The following SLC12A2 variants were observed in gnomAD, a reference collection of about 807,000 sequenced individuals.
SLC12A2 encodes solute carrier family 12 member 2, also known as Na-K-2Cl cotransporter 1.
A neutral mutation model predicts 136.3 loss-of-function variants in SLC12A2; 67 were observed. The observed-to-expected ratio is 0.49, with a 90% CI of 0.40 to 0.60. SLC12A2 has a LOEUF of 0.60. SLC12A2 is among the 20% of genes least tolerant of loss of function. The pLI, the probability that SLC12A2 is intolerant of heterozygous loss-of-function variation, is 0.00. For missense variants in SLC12A2, 1,322 were observed against 1,534.7 expected (o/e 0.86, Z 2.32); for synonymous variants, 619 against 562.9 (o/e 1.10, Z -1.41).
chr5:128,109,605 A>G (rs1314335944), intron 1 of SLC12A2: 1 of 745,966 alleles, frequency 1.3e-6, no homozygotes, highest in Non-Finnish European at 2.5e-6. Context: ...TTAAAAGCAG[A>G]CATCGTCCTT....
chr5:128,089,439 A>G (rs1760226629), intron 1 of SLC12A2, among the ~76,000 whole-genome samples: 2 of 152,290 alleles, frequency 1.3e-5, no homozygotes, highest in South Asian at 4.1e-4. Flanking sequence ...CTTCACATCC[A>G]GGTTTTTCTG....
intron 18 of SLC12A2, chr5:128,171,095 C>CAA (rs765159997): frequency 1.5e-4 from 8 of 54,860 alleles, no homozygotes; most frequent in African/African-American, 2.0e-4. Context: ...GACTCTGTCT[C>CAA]AAAAAAAAAA....
intron 19 of SLC12A2, among the ~76,000 whole-genome samples, chr5:128,172,733 G>T (rs1213376816): frequency 1.3e-5 from 2 of 152,180 alleles, no homozygotes; most frequent in Non-Finnish European, 2.9e-5. Flanking sequence ...GGCTGAGGTG[G>T]GTGGATGACC....
chr5:128,112,477 G>A (rs1013989333), intron 1 of SLC12A2, among the ~76,000 whole-genome samples: 2 of 152,156 alleles, frequency 1.3e-5, no homozygotes, highest in Non-Finnish European at 2.9e-5. Context: ...CTTGAGAGAT[G>A]GGGTCTGAAT....
At chr5:128,131,559 C>T (rs1272587450) in intron 5 of SLC12A2, among the ~76,000 whole-genome samples, 2 of 150,422 alleles carry the variant, frequency 1.3e-5, no homozygotes, top group African/African-American at 4.9e-5. Flanking sequence ...AAAAAATCAG[C>T]TGGGCGTGGT....
chr5:128,109,541 C>A, intron 1 of SLC12A2: 1 of 672,718 alleles, frequency 1.5e-6, no homozygotes, highest in Non-Finnish European at 2.8e-6. Flanking sequence ...CCAGCACTTG[C>A]TGGGTGGAGA....
Position 128,184,806 on chromosome 5 carries a change from G to C in SLC12A2, c.3453G>C (p.Arg1151Ser). 6.2e-7 allele frequency: 1 copy of C among 1,609,134 alleles called. No homozygotes were observed. Residue 1151 changes from arginine to serine, a missense_variant, in exon 26 of 27, where the codon AGG (arginine) becomes AGC (serine). Arg to Ser is a moderately radical substitution (Grantham distance 110). Around this residue, in one of 8 missense-constraint regions of SLC12A2, gnomAD observed 172 missense variants for 227.4 expected, o/e 0.76. Transcript: ENST00000262461. ...LYKTKTYRQI[R>S]LNELLKEHSS... ...CATTTCAGACATACCGGCAGATCAG[G>C]TTAAATGAGTTATTAAAGGAACATT...
chr5:128,120,434 C>T (rs1761515560), intron 4 of SLC12A2, among the ~76,000 whole-genome samples: 1 of 151,678 alleles, frequency 6.6e-6, no homozygotes, highest in Non-Finnish European at 1.5e-5. Context: ...GCACTATTCA[C>T]AATAACAAAG....
intron 1 of SLC12A2, among the ~76,000 whole-genome samples, chr5:128,095,993 T>G (rs935114650): frequency 2.0e-5 from 3 of 152,140 alleles, no homozygotes; most frequent in Non-Finnish European, 4.4e-5. Flanking sequence ...GCTTTAACTG[T>G]TAGATAACTG....
chr5:128,136,829 G>A (rs1378112070), intron 7 of SLC12A2, among the ~76,000 whole-genome samples: 1 of 152,064 alleles, frequency 6.6e-6, no homozygotes, highest in Non-Finnish European at 1.5e-5. Context: ...GCTATTAAGG[G>A]ACTGACATGT....
chr5:128,152,751 C>G lies in SLC12A2; in HGVS notation c.2309C>G (p.Ala770Gly), dbSNP rs577834869. The change falls in exon 15 of 27, where the codon GCA (alanine) becomes GGA (glycine). Residue 770 changes from alanine (A) to glycine (G), a missense_variant. Ala to Gly is a moderately conservative substitution (Grantham distance 60, BLOSUM62 0). Transcript: ENST00000262461. ...ACACAAGCCCTGACTTACCTGAATG[C>G]ACTGCAGCATTCAATTCGTCTTTCT... ...SSTQALTYLN[A>G]LQHSIRLSGV... is the part of the protein sequence containing the mutation. The G allele has an allele frequency of 6.2e-7, 1 of 1,613,664 alleles. No homozygotes were observed. Among genetic ancestry groups the G allele is most frequent in the Non-Finnish European group, 8.5e-7 (1 of 1,179,630 alleles).
intron 10 of SLC12A2, among the ~76,000 whole-genome samples, chr5:128,143,698 T>C (rs1346214838): frequency 6.6e-6 from 1 of 151,928 alleles, no homozygotes; most frequent in Non-Finnish European, 1.5e-5. Flanking sequence ...AATATTCTAT[T>C]GTAAATTTAT....
intron 19 of SLC12A2, among the ~76,000 whole-genome samples, chr5:128,173,640 T>G (rs1347655107): frequency 6.6e-6 from 1 of 152,186 alleles, no homozygotes; most frequent in Non-Finnish European, 1.5e-5. Context: ...CTTCCAAGCC[T>G]CAGTTTCCTT....
intron 4 of SLC12A2, among the ~76,000 whole-genome samples, chr5:128,122,028 G>A (rs1488243063): frequency 1.3e-5 from 2 of 152,190 alleles, no homozygotes; most frequent in African/African-American, 2.4e-5. Flanking sequence ...GCAGGCAGCC[G>A]TTCATAAGAT....
At chr5:128,156,734 A>G (rs140415202) in intron 15 of SLC12A2, among the ~76,000 whole-genome samples, 97 of 152,288 alleles carry the variant, frequency 6.4e-4, no homozygotes, top group African/African-American at 1.6e-3. Context: ...CACGTTCCTT[A>G]TCAGTCTGCC....
rs767907689 is a variant in SLC12A2 at position 128,187,210 on chromosome 5, T to C, written c.*579T>C. The C allele has an allele frequency of 2.6e-5, 4 of 152,718 alleles. No homozygotes were observed. The highest frequency in any genetic ancestry group is 5.9e-5 in the Non-Finnish European group (4 of 68,150). 9.5% of individuals were successfully genotyped at this position (152,718 alleles called of 1,614,324 possible). On this transcript the variant is annotated 3_prime_UTR_variant, in exon 27 of 27. Transcript: ENST00000262461. Reference sequence around the variant, plus strand: ...TTAATCAAAAATGGGGAAGGGGAAATGGTAACCAAAAAGTAACCCCATGGT... The same window carrying C: ...TTAATCAAAAATGGGGAAGGGGAAACGGTAACCAAAAAGTAACCCCATGGT...
At chr5:128,118,110 A>G (rs1216059850) in intron 4 of SLC12A2, among the ~76,000 whole-genome samples, 1 of 152,234 alleles carries the variant, frequency 6.6e-6, no homozygotes, top group African/African-American at 2.4e-5. Context: ...ACACTTTTAC[A>G]CTGTTGGTGG....
rs564503110 is a variant in SLC12A2 at position 128,104,640 on chromosome 5, GA to G, written c.757-8165del. 2.1e-4 allele frequency among the ~76,000 whole-genome samples: 29 copies of G among 138,600 alleles called. 1 individual carries two copies. The highest frequency in any genetic ancestry group is 2.0e-4 in the East Asian group (1 of 4,934). The allele number at this position is 138,600 out of a possible 152,430, so 90.9% of individuals were successfully genotyped here. On this transcript the variant is annotated intron_variant, in intron 1 of 26. Transcript: ENST00000262461. Reference sequence around the variant, plus strand: ...GAGCAAGACTCCATCTCAAAAAAAAGAAAAAAAAATATATATATATAGATAT... The same window carrying G: ...GAGCAAGACTCCATCTCAAAAAAAAGAAAAAAAATATATATATATAGATAT...
chr5:128,113,687 G>A (rs1561664827), intron 2 of SLC12A2, among the ~76,000 whole-genome samples: 3 of 152,084 alleles, frequency 2.0e-5, no homozygotes, highest in Non-Finnish European at 4.4e-5. Flanking sequence ...TATGTTCTAT[G>A]TATGAACATA....
Sources: allele counts gnomAD v4.1 joint callset (sites outside exome capture counted in the v4.1 genomes callset), GRCh38; gene constraint gnomAD v4.1.1; regional missense constraint gnomAD v4.1.1; transcripts MANE v1.5; gene names NCBI Gene and HGNC (gene_info 2026-07-23, HGNC 2026-07-21).